Variants in CEP164 observed in about 807,000 individuals in gnomAD.
CEP164 encodes the protein centrosomal protein of 164 kDa.
In CEP164, 162 loss-of-function variants were observed where a neutral mutation model predicts 182.7. The ratio of observed to expected loss-of-function variants is 0.89; its 90% confidence interval spans 0.78 to 1.01. CEP164 has a LOEUF of 1.01. Among genes scored for constraint, CEP164 ranks in the 50% least tolerant of loss-of-function variants. The pLI, the probability that CEP164 is intolerant of heterozygous loss-of-function variation, is 0.00. For synonymous variants in CEP164, 661 were observed against 690.0 expected (o/e 0.96, Z 0.66); for missense variants, 1,735 against 1,790.4 (o/e 0.97, Z 0.56).
At chr11:117,329,783 G>A (rs1008161605) in intron 1 of CEP164, among the ~76,000 whole-genome samples, 3 of 146,274 alleles carry the variant, frequency 2.1e-5, no homozygotes, top group African/African-American at 7.6e-5. Flanking sequence ...CTCATTATCC[G>A]CCCACCTCCG....
intron 8 of CEP164, among the ~76,000 whole-genome samples, chr11:117,368,913 G>A (rs116467710): frequency 6.6e-4 from 100 of 152,318 alleles, no homozygotes; most frequent in African/African-American, 2.0e-3. Context: ...CTGCCAAGGC[G>A]TGAGCTTCCT....
intron 11 of CEP164, among the ~76,000 whole-genome samples, chr11:117,378,717 G>T (rs548820883): frequency 6.6e-6 from 1 of 152,150 alleles, no homozygotes; most frequent in Non-Finnish European, 1.5e-5. Flanking sequence ...TAAGGAAGAG[G>T]ACCCTCTCTA....
chr11:117,395,579 G>A lies in CEP164; in HGVS notation c.2946G>A (p.Glu982=), dbSNP rs2045327607. Residue 982 remains glutamate (E), a synonymous_variant, in exon 24 of 33, where the codon GAG becomes GAA. Coordinates refer to ENST00000278935, the MANE Select transcript of CEP164 (RefSeq NM_014956.5). ...EATATHQQLE[E]AQKEHTHLLQ... ...CAGCCACCCATCAGCAGCTGGAGGAGGCACAGAAGGAGCACACCCACCTGT... is the reference window on the plus strand; with the variant it reads ...CAGCCACCCATCAGCAGCTGGAGGAAGCACAGAAGGAGCACACCCACCTGT... 1 of 1,613,334 alleles carries A rather than the reference G, an allele frequency of 6.2e-7. No individual in the cohort carries two copies. The highest frequency in any genetic ancestry group is 1.3e-5 in the African/African-American group (1 of 74,906).
intron 1 of CEP164, among the ~76,000 whole-genome samples, chr11:117,328,495 C>G (rs1268400482): frequency 9.2e-5 from 14 of 152,228 alleles, no homozygotes; most frequent in Non-Finnish European, 1.5e-5. Context: ...TTCAGCGACT[C>G]CCTGTCCGTT....
intron 14 of CEP164, chr11:117,386,618 C>T (rs570451105): frequency 6.5e-6 from 1 of 152,986 alleles, no homozygotes; most frequent in African/African-American, 2.4e-5. Flanking sequence ...TCCTCCTGGC[C>T]CCCTTGGTGG....
rs1411571897 is a variant in CEP164 at position 117,362,847 on chromosome 11, C to G, written c.687+309C>G. On this transcript the variant is annotated intron_variant, in intron 7 of 32. Coordinates refer to ENST00000278935, the MANE Select transcript of CEP164 (RefSeq NM_014956.5). ...TCCCTCTCCCTCCATCCCTGGAAACCTAATCTGCTTACTGTGTCTATGAAT... is the reference window on the plus strand; with the variant it reads ...TCCCTCTCCCTCCATCCCTGGAAACGTAATCTGCTTACTGTGTCTATGAAT... Among the ~76,000 whole-genome samples, 9 of 152,286 alleles carry G rather than the reference C, an allele frequency of 5.9e-5. No individual in the cohort carries two copies. In the East Asian group the frequency reaches 1.7e-3, roughly 29 times the overall value.
At position 117,395,715 on chromosome 11, in the gene CEP164, C is replaced by G; in HGVS notation, c.3082C>G (p.His1028Asp). 1 of 1,610,110 alleles carries G rather than the reference C, an allele frequency of 6.2e-7. No homozygotes were observed. Reference protein sequence around the residue: ...LQAQSQQLQKHFSSLEAEAQK... With the variant: ...LQAQSQQLQKDFSSLEAEAQK... ...GGCTCAGAGCCAGCAACTGCAGAAA[C>G]ACTTCAGGTGGCGTGGGCACCCTGC... is the stretch of plus-strand genomic sequence containing the variant. Residue 1028 changes from histidine (H) to aspartate (D), a missense_variant, in exon 24 of 33, where the codon CAC becomes GAC. Transcript: ENST00000278935.
intron 3 of CEP164, among the ~76,000 whole-genome samples, chr11:117,342,579 G>A (rs899813268): frequency 1.3e-5 from 2 of 151,880 alleles, no homozygotes; most frequent in Non-Finnish European, 2.9e-5. Flanking sequence ...TGTCTCAAGC[G>A]ATTCTCCTGC....
chr11:117,347,594 C>G (rs560665463), intron 4 of CEP164, among the ~76,000 whole-genome samples: 26 of 152,070 alleles, frequency 1.7e-4, no homozygotes, highest in African/African-American at 6.0e-4. Context: ...CCTGTAATCC[C>G]AGCTACTCGG....
In CEP164 at chr11:117,330,643, C is replaced by CT. The variant is rs202201223; in HGVS notation, c.-98+2740dup. The stretch of plus-strand genomic sequence containing the variant: ...CAGCCTGGGTGACAAGAATGATACT[C>CT]TGTCTCAAAAAAAAAGCAAAGAAAA... On this transcript the variant is annotated intron_variant, in intron 1 of 32. Transcript: ENST00000278935. Among the ~76,000 whole-genome samples, 133 of 147,746 alleles carry CT rather than the reference C, an allele frequency of 9.0e-4. No homozygotes were observed. In the East Asian group the frequency reaches 0.024, roughly 26 times the overall value.
At position 117,409,866 on chromosome 11, in the gene CEP164, C is replaced by T; in HGVS notation, c.3997C>T (p.Gln1333Ter). 2 of 1,613,902 alleles carry T rather than the reference C, an allele frequency of 1.2e-6. No homozygotes were observed. The highest frequency in any genetic ancestry group is 1.7e-5 in the Admixed American group (1 of 60,002). Reference sequence around the variant, plus strand: ...ATCATCTGCTACACCCACGTCCACCCAATGGGCCTGGGATTCAGGGCAGGG... The same window carrying T: ...ATCATCTGCTACACCCACGTCCACCTAATGGGCCTGGGATTCAGGGCAGGG... ...ALSSATPTST[Q>*]WAWDSGQGPR... Residue 1333 changes from glutamine (Q) to a stop codon, truncating the protein, a stop_gained, in exon 30 of 33, where the codon CAA (glutamine) becomes TAA (stop). Transcript: ENST00000278935. LOFTEE classifies it high-confidence loss of function. The surrounding 1 kb of genome is among the most constrained non-coding windows in gnomAD (Gnocchi z 4.4).
intron 27 of CEP164, among the ~76,000 whole-genome samples, chr11:117,405,435 G>A (rs1270156692): frequency 6.6e-6 from 1 of 152,128 alleles, no homozygotes; most frequent in Non-Finnish European, 1.5e-5. Flanking sequence ...TGCTTCGTGG[G>A]TGAGGCGACA....
chr11:117,375,349 G>A (rs145318948), intron 10 of CEP164, among the ~76,000 whole-genome samples: 529 of 152,280 alleles, frequency 3.5e-3, no homozygotes, highest in African/African-American at 0.012. Context: ...TCTCCAACCT[G>A]CTTCCTTATC....
intron 8 of CEP164, among the ~76,000 whole-genome samples, chr11:117,368,998 G>A (rs1304469825): frequency 2.0e-5 from 3 of 152,202 alleles, no homozygotes; most frequent in East Asian, 1.9e-4. Context: ...TCACCACTGT[G>A]TCTAGTGGCC....
At chr11:117,377,405 A>G (rs562837126) in intron 11 of CEP164, among the ~76,000 whole-genome samples, 5 of 152,238 alleles carry the variant, frequency 3.3e-5, no homozygotes, top group African/African-American at 1.2e-4. Flanking sequence ...CCCCTAAGCT[A>G]TACCTTGTGA....
intron 5 of CEP164, among the ~76,000 whole-genome samples, chr11:117,357,919 C>T (rs537356665): frequency 1.1e-3 from 169 of 152,288 alleles, no homozygotes; most frequent in Non-Finnish European, 1.7e-3. Flanking sequence ...GCTGACCTTG[C>T]CCTATCATTC....
At chr11:117,400,939 C>A (rs905670468) in intron 27 of CEP164, among the ~76,000 whole-genome samples, 1 of 152,136 alleles carries the variant, frequency 6.6e-6, no homozygotes, top group African/African-American at 2.4e-5. Flanking sequence ...CAAACAGAAA[C>A]CATTTGACTT....
In CEP164 at chr11:117,396,563, A is replaced by G; in HGVS notation, c.3230A>G (p.Glu1077Gly). ...ATGTGTCCCTAGAACCAGACCAAAG[A>G]GGTGTCTTCTTCTCTCTCCCAGAGC... is the stretch of plus-strand genomic sequence containing the variant. ...RKSLGTNQTK[E>G]VSSSLSQSKE... The change falls in exon 26 of 33, where the codon GAG (glutamate) becomes GGG (glycine). Residue 1077 changes from glutamate (E) to glycine (G), a missense_variant. Coordinates refer to ENST00000278935, the MANE Select transcript of CEP164 (RefSeq NM_014956.5). 1 of 1,613,724 alleles carries G rather than the reference A, an allele frequency of 6.2e-7. No homozygotes were observed. The highest frequency in any genetic ancestry group is 8.5e-7 in the Non-Finnish European group (1 of 1,179,640).
Position 117,411,879 on chromosome 11 carries a change from C to CCGGAGGTGGCTGGAA in CEP164, c.4251_4265dup (p.Arg1418_Arg1422dup). 1 of 1,614,178 alleles carries CCGGAGGTGGCTGGAA rather than the reference C, an allele frequency of 6.2e-7. No individual in the cohort carries two copies. The highest frequency in any genetic ancestry group is 8.5e-7 in the Non-Finnish European group (1 of 1,180,024). Reference sequence around the variant, plus strand: ...CCTTTCAGGGCATAATTGAGGCCAACCGGAGGTGGCTGGAACGTGTCAAGA... The same window carrying CCGGAGGTGGCTGGAA: ...CCTTTCAGGGCATAATTGAGGCCAACCGGAGGTGGCTGGAACGGAGGTGGCTGGAACGTGTCAAGA... On this transcript the variant is annotated inframe_insertion, in exon 32 of 33. Coordinates refer to ENST00000278935, the MANE Select transcript of CEP164 (RefSeq NM_014956.5). The surrounding 1 kb of genome is among the most constrained non-coding windows in gnomAD (Gnocchi z 4.4).
Sources: gnomAD v4.1 joint callset for allele counts (sites outside exome capture counted in the v4.1 genomes callset) on GRCh38, gnomAD v4.1.1 for gene constraint, Gnocchi (gnomAD v3.1) non-coding constraint, MANE v1.5 for transcripts, NCBI Gene and HGNC (gene_info 2026-07-23, HGNC 2026-07-21) for gene names.